Variants in SVEP1 observed in about 807,000 individuals in gnomAD.
SVEP1 encodes the protein sushi, von Willebrand factor type A, EGF and pentraxin domain containing 1.
SVEP1 carries 164 observed loss-of-function variants against 367.3 expected under a neutral mutation model. The observed-to-expected ratio is 0.45, with a 90% CI of 0.39 to 0.51. The LOEUF is 0.51. Ranked by LOEUF, SVEP1 falls within the 20% of genes least tolerant of loss-of-function variation. The pLI is 0.00. For missense variants in SVEP1, 4,117 were observed against 4,425.3 expected (o/e 0.93, Z 1.98); for synonymous variants, 1,666 against 1,611.6 (o/e 1.03, Z -0.81).
chr9:110,508,760 C>CA lies in SVEP1; in HGVS notation c.1303+4165dup, dbSNP rs11316319. Reference sequence around the variant, plus strand: ...TAGGTAACAGAGCGAGACTCCATCTCAAAAAAAAAAAAAAAAAAAAAAAGA... The same window carrying CA: ...TAGGTAACAGAGCGAGACTCCATCTCAAAAAAAAAAAAAAAAAAAAAAAAGA... On this transcript the variant is annotated intron_variant, in intron 5 of 47. Coordinates refer to ENST00000374469, the MANE Select transcript of SVEP1 (RefSeq NM_153366.4). 8.3e-3 allele frequency among the ~76,000 whole-genome samples: 634 copies of CA among 76,292 alleles called. 4 individuals carry two copies. The highest frequency in any genetic ancestry group is 0.019 in the African/African-American group (358 of 18,816). The allele number at this position is 76,292 out of a possible 152,430, so 50.1% of individuals were successfully genotyped here.
chr9:110,468,907 T>C (rs1195836912), intron 17 of SVEP1, 33 bp downstream of exon 17: 31 of 1,507,492 alleles, frequency 2.1e-5, no homozygotes, highest in Middle Eastern at 1.8e-4. Flanking sequence ...AAAATTGGGC[T>C]GCTTCTAGTT....
In SVEP1 at chr9:110,564,362, A is replaced by G. The variant is rs1830465043; in HGVS notation, c.532-14258T>C. On this transcript the variant is annotated intron_variant, in intron 1 of 47. Transcript: ENST00000374469. ...ATTTTAATACTTACCATAAAGAAAA[A>G]GTTTAGCAGGAATTTAGAACACATG... is the stretch of plus-strand genomic sequence containing the variant. 2.0e-5 allele frequency among the ~76,000 whole-genome samples: 3 copies of G among 152,188 alleles called. No individual in the cohort carries two copies. In the South Asian group the frequency reaches 6.2e-4, roughly 32 times the overall value.
chr9:110,536,328 C>T (rs190146390), intron 3 of SVEP1, among the ~76,000 whole-genome samples: 58 of 152,016 alleles, frequency 3.8e-4, no homozygotes, highest in African/African-American at 1.3e-3. Context: ...AACTCTACCT[C>T]TTTATAGTTG....
intron 25 of SVEP1, 90 bp downstream of exon 25, chr9:110,446,810 G>C: frequency 8.2e-7 from 1 of 1,216,202 alleles, no homozygotes; most frequent in Admixed American, 3.6e-5. Flanking sequence ...TTTGGCCTAC[G>C]GACACTGCTT....
intron 36 of SVEP1, among the ~76,000 whole-genome samples, chr9:110,415,479 A>G (rs1828106039): frequency 1.3e-5 from 2 of 152,024 alleles, no homozygotes; most frequent in Non-Finnish European, 2.9e-5. Flanking sequence ...ATAAACTTTA[A>G]TACACTAATA....
chr9:110,407,560 C>T lies in SVEP1; in HGVS notation c.8040G>A (p.Met2680Ile), dbSNP rs760884605. 1.2e-5 allele frequency: 20 copies of T among 1,613,936 alleles called. No individual in the cohort carries two copies. In the South Asian group the frequency reaches 1.5e-4, roughly 12 times the overall value. The change falls in exon 38 of 48, where the codon ATG becomes ATA. Residue 2680 changes from methionine to isoleucine, a missense_variant. Met to Ile is a conservative substitution (Grantham distance 10). Transcript: ENST00000374469. ...THSSNFLYGT[M>I]VSYTCNPGYE... is the part of the protein sequence containing the mutation. The stretch of plus-strand genomic sequence containing the variant: ...ATCCTGGATTACAGGTGTATGAAAC[C>T]ATGGTACCATACAGAAAGTTTGATG...
intron 35 of SVEP1, among the ~76,000 whole-genome samples, chr9:110,428,324 G>A (rs575453135): frequency 4.0e-5 from 6 of 151,414 alleles, no homozygotes; most frequent in Admixed American, 3.3e-4. Context: ...CTCTTCACTC[G>A]ATCTGTTCCA....
Position 110,550,108 on chromosome 9 carries a change from T to C in SVEP1, c.532-4A>G, listed in dbSNP as rs1830264786. 1 of 1,613,514 alleles carries C rather than the reference T, an allele frequency of 6.2e-7. No homozygotes were observed. Among genetic ancestry groups the C allele is most frequent in the Non-Finnish European group, 8.5e-7 (1 of 1,179,552 alleles). On this transcript the variant is annotated splice_region_variant and splice_polypyrimidine_tract_variant and intron_variant, in intron 1 of 47. Transcript: ENST00000374469. ...CTCTAGCATGAAGAAGAATTTGCTG[T>C]AATGAAATGGGGAAAGTTAATATGA... is the stretch of plus-strand genomic sequence containing the variant.
chr9:110,458,055 C>A, intron 20 of SVEP1: 1 of 450,500 alleles, frequency 2.2e-6, no homozygotes, highest in South Asian at 1.6e-5. Context: ...TACTTTTCCC[C>A]AAGAAATCTT....
At chr9:110,482,553 G>T (rs1829209175) in intron 10 of SVEP1, 61 bp from the exon 11 acceptor site, 2 of 1,533,084 alleles carry the variant, frequency 1.3e-6, no homozygotes, top group Non-Finnish European at 1.8e-6. Flanking sequence ...TTTTGAAACA[G>T]TCTTACTCTG....
At chr9:110,401,456 C>T (rs1424061519) in intron 39 of SVEP1, among the ~76,000 whole-genome samples, 1 of 151,364 alleles carries the variant, frequency 6.6e-6, no homozygotes, top group Admixed American at 6.6e-5. Context: ...AAATCAGCTT[C>T]CTTTTCTCCA....
intron 3 of SVEP1, among the ~76,000 whole-genome samples, chr9:110,539,015 T>C (rs1323506965): frequency 1.3e-5 from 2 of 152,116 alleles, no homozygotes; most frequent in Non-Finnish European, 2.9e-5. Flanking sequence ...CTAGGAATCC[T>C]GTGGTGCTCA....
chr9:110,475,118 A>G (rs1395689466), intron 14 of SVEP1, among the ~76,000 whole-genome samples: 1 of 151,958 alleles, frequency 6.6e-6, no homozygotes, highest in African/African-American at 2.4e-5. Context: ...TTTGTTTTTA[A>G]GCATTTTAAA....
intron 18 of SVEP1, among the ~76,000 whole-genome samples, chr9:110,463,410 AAT>A (rs1390317955): frequency 6.6e-6 from 1 of 152,130 alleles, no homozygotes; most frequent in Admixed American, 6.6e-5. Context: ...GTGATACTTA[AAT>A]ATGATTGCTA....
intron 5 of SVEP1, among the ~76,000 whole-genome samples, chr9:110,511,488 CTTTTTTTTTTTTTTTTTTTTTTTTTTT>C (rs199993986): frequency 2.6e-4 from 20 of 77,564 alleles, no homozygotes; most frequent in Non-Finnish European, 3.0e-4. Context: ...GTGTCAGTAC[CTTTTTTTTTTTTTTTTTTTTTTTTTTT>C]TTTTTTTTTT....
chr9:110,472,842 C>T (rs1486587656), intron 14 of SVEP1, among the ~76,000 whole-genome samples: 7 of 152,126 alleles, frequency 4.6e-5, no homozygotes, highest in Non-Finnish European at 5.9e-5. Flanking sequence ...ATGATTCTAT[C>T]ATACAACCAC....
intron 3 of SVEP1, among the ~76,000 whole-genome samples, chr9:110,522,378 A>C (rs1225827283): frequency 6.6e-6 from 1 of 152,210 alleles, no homozygotes; most frequent in Non-Finnish European, 1.5e-5. Flanking sequence ...CCACTGTAGC[A>C]GCAAAGCAAG....
intron 3 of SVEP1, among the ~76,000 whole-genome samples, chr9:110,534,369 C>A (rs1174194901): frequency 6.6e-6 from 1 of 152,136 alleles, no homozygotes; most frequent in Non-Finnish European, 1.5e-5. Context: ...CATTCCTTTT[C>A]ATGGCTGCAT....
chr9:110,501,630 CTT>C (rs1472240203), intron 6 of SVEP1, among the ~76,000 whole-genome samples: 1 of 152,028 alleles, frequency 6.6e-6, no homozygotes, highest in African/African-American at 2.4e-5. Context: ...GCATATTTTT[CTT>C]TTGCCAAATT....
Sources: allele counts gnomAD v4.1 joint callset (sites outside exome capture counted in the v4.1 genomes callset), GRCh38; gene constraint gnomAD v4.1.1; transcripts MANE v1.5; gene names NCBI Gene and HGNC (gene_info 2026-07-23, HGNC 2026-07-21).